The following ANO3 variants were observed in gnomAD, a reference collection of about 807,000 sequenced individuals.
ANO3 encodes anoctamin-3.
A neutral mutation model predicts 144.8 loss-of-function variants in ANO3; 99 were observed. The observed-to-expected ratio is 0.68, with a 90% CI of 0.58 to 0.81. The LOEUF is 0.81. Among genes scored for constraint, ANO3 ranks in the 30% least tolerant of loss-of-function variants. The pLI is 0.00. For synonymous variants in ANO3, 414 were observed against 392.6 expected (o/e 1.05, Z -0.64); for missense variants, 905 against 1,202.2 (o/e 0.75, Z 3.66).
intron 1 of ANO3, among the ~76,000 whole-genome samples, chr11:26,426,401 G>T (rs554576026): frequency 1.1e-4 from 17 of 151,962 alleles, no homozygotes; most frequent in Non-Finnish European, 2.1e-4. Flanking sequence ...GGGTAGTTTG[G>T]CATGTCTAGT....
intron 12 of ANO3, among the ~76,000 whole-genome samples, chr11:26,551,461 G>T (rs1219645933): frequency 6.6e-6 from 1 of 151,946 alleles, no homozygotes; most frequent in African/African-American, 2.4e-5. Context: ...CAAAAGTTTT[G>T]TGATGATTTT....
chr11:26,291,875 C>A (rs1260401637), intron 1 of ANO3, among the ~76,000 whole-genome samples: 1 of 152,148 alleles, frequency 6.6e-6, no homozygotes, highest in Admixed American at 6.5e-5. Context: ...GTGAATCTGA[C>A]AATTATGTGT....
intron 7 of ANO3, among the ~76,000 whole-genome samples, chr11:26,530,365 G>A (rs1422040028): frequency 6.6e-6 from 1 of 151,650 alleles, no homozygotes; most frequent in African/African-American, 2.4e-5. Context: ...ATGTGTCACA[G>A]TCATTTATTT....
chr11:26,278,446 G>A lies in ANO3; in HGVS notation c.155-31199G>A, dbSNP rs890746357. 4.4e-4 allele frequency among the ~76,000 whole-genome samples: 67 copies of A among 152,132 alleles called. 1 individual carries two copies. Among genetic ancestry groups the A allele is most frequent in the Non-Finnish European group, 1.0e-4 (7 of 68,020 alleles). ...GACTCATTACAGAATATTTTGGAAT[G>A]TGATCCAATTAAGACTGGGTTTTTT... On this transcript the variant is annotated intron_variant, in intron 1 of 27. Coordinates refer to the ANO3 transcript ENST00000672621.
chr11:26,379,446 C>G (rs1856520313), intron 1 of ANO3, among the ~76,000 whole-genome samples: 1 of 152,022 alleles, frequency 6.6e-6, no homozygotes, highest in Non-Finnish European at 1.5e-5. Flanking sequence ...TGGCTTTGAT[C>G]TATGTGAGAG....
At chr11:26,619,196 A>G (rs1852343926) in intron 17 of ANO3, among the ~76,000 whole-genome samples, 2 of 152,122 alleles carry the variant, frequency 1.3e-5, no homozygotes, top group Admixed American at 1.3e-4. Context: ...TTGGAATTGT[A>G]TTTTTAACAT....
intron 13 of ANO3, among the ~76,000 whole-genome samples, chr11:26,555,745 TG>T (rs1850065847): frequency 6.6e-6 from 1 of 152,168 alleles, no homozygotes; most frequent in Non-Finnish European, 1.5e-5. Context: ...CCTTATTGGA[TG>T]GAAATCAACA....
chr11:26,260,161 G>A (rs1316323744), intron 1 of ANO3, among the ~76,000 whole-genome samples: 3 of 150,822 alleles, frequency 2.0e-5, no homozygotes, highest in African/African-American at 7.3e-5. Flanking sequence ...CAGGCTTTTT[G>A]GGCTCTTTAT....
intron 4 of ANO3, among the ~76,000 whole-genome samples, chr11:26,479,630 C>A (rs543426810): frequency 2.6e-5 from 4 of 152,230 alleles, no homozygotes; most frequent in African/African-American, 9.6e-5. Flanking sequence ...ATTATCTCCA[C>A]CTGGCCCTGC....
At chr11:26,431,032 A>G (rs904907178) in intron 1 of ANO3, among the ~76,000 whole-genome samples, 1 of 152,234 alleles carries the variant, frequency 6.6e-6, no homozygotes, top group Non-Finnish European at 1.5e-5. Context: ...AATATTTTAC[A>G]TCTGTGATGT....
At chr11:26,565,875 AT>A (rs765455264) in intron 14 of ANO3, 6 of 1,579,750 alleles carry the variant, frequency 3.8e-6, no homozygotes, top group Non-Finnish European at 3.4e-6. Context: ...CTTCTTTGGT[AT>A]TGGTTTTTTT....
At chr11:26,428,008 A>G (rs1857966861) in intron 1 of ANO3, among the ~76,000 whole-genome samples, 1 of 152,158 alleles carries the variant, frequency 6.6e-6, no homozygotes, top group Admixed American at 6.5e-5. Context: ...CGTGGGGAAT[A>G]TGTGAACTAC....
At chr11:26,655,295 T>C (rs535677121) in intron 24 of ANO3, among the ~76,000 whole-genome samples, 1 of 152,286 alleles carries the variant, frequency 6.6e-6, no homozygotes, top group Admixed American at 6.5e-5. Context: ...AGAGACACTC[T>C]GACTTGCTGA....
At chr11:26,287,750 T>C (rs1189643382) in intron 1 of ANO3, among the ~76,000 whole-genome samples, 1 of 152,208 alleles carries the variant, frequency 6.6e-6, no homozygotes, top group African/African-American at 2.4e-5. Flanking sequence ...CACTAATTTA[T>C]AGTTTCTCAA....
intron 14 of ANO3, among the ~76,000 whole-genome samples, chr11:26,584,143 GTT>G (rs200083649): frequency 1.1e-4 from 14 of 122,056 alleles, no homozygotes; most frequent in African/African-American, 4.3e-4. Context: ...ATTCTGTCTT[GTT>G]TTTTTGTTTG....
chr11:26,432,437 G>A (rs1182721586), intron 1 of ANO3, among the ~76,000 whole-genome samples: 1 of 152,034 alleles, frequency 6.6e-6, no homozygotes, highest in African/African-American at 2.4e-5. Flanking sequence ...TTTGCTTTTA[G>A]TGTGATTGCT....
intron 1 of ANO3, among the ~76,000 whole-genome samples, chr11:26,230,621 A>AC (rs1852369877): frequency 6.6e-6 from 1 of 151,142 alleles, no homozygotes; most frequent in African/African-American, 2.4e-5. Context: ...ACATGGTGAA[A>AC]CCCCGTCTCT....
chr11:26,321,658 A>G (rs373590187), intron 1 of ANO3, among the ~76,000 whole-genome samples: 1 of 152,182 alleles, frequency 6.6e-6, no homozygotes, highest in African/African-American at 2.4e-5. Context: ...TCTGGGATGT[A>G]GTCATCTTTT....
chr11:26,276,682 G>A (rs149479393), intron 1 of ANO3, among the ~76,000 whole-genome samples: 5 of 152,012 alleles, frequency 3.3e-5, no homozygotes, highest in African/African-American at 9.7e-5. Flanking sequence ...GCTTTCAAAG[G>A]CCAATTCAAT....
Sources: gnomAD v4.1 joint callset for allele counts (sites outside exome capture counted in the v4.1 genomes callset) on GRCh38, gnomAD v4.1.1 for gene constraint, MANE v1.5 for transcripts, NCBI Gene and HGNC (gene_info 2026-07-23, HGNC 2026-07-21) for gene names.